The following HDAC8 variants were observed in gnomAD, a reference collection of about 807,000 sequenced individuals.
HDAC8 encodes histone deacetylase 8, also known as histone deacetylase-like 1.
Under a neutral mutation model 32.2 loss-of-function variants are expected in HDAC8, and 1 was observed. The ratio of observed to expected loss-of-function variants is 0.03; its 90% confidence interval spans 0.01 to 0.15. HDAC8 has a LOEUF of 0.15. Among genes scored for constraint, HDAC8 ranks in the 10% least tolerant of loss-of-function variants. The probability of loss-of-function intolerance (pLI) is 1.00; values close to 1 mark genes in which losing one functional copy is unlikely to be tolerated. For synonymous variants in HDAC8, 108 were observed against 113.9 expected (o/e 0.95, Z 0.33); for missense variants, 117 against 300.0 (o/e 0.39, Z 4.51).
intron 9 of HDAC8, among the ~76,000 whole-genome samples, chrX:72,424,942 T>G (rs1192487597): frequency 8.9e-6 from 1 of 112,500 alleles, no homozygotes; most frequent in Non-Finnish European, 1.9e-5. Context: ...CTATACAATA[T>G]TTTGTCCATT....
intron 9 of HDAC8, among the ~76,000 whole-genome samples, chrX:72,387,977 GAC>G (rs1316105602): frequency 9.9e-5 from 11 of 110,945 alleles, no homozygotes; most frequent in Middle Eastern, 4.6e-3. Context: ...GGACTTCACA[GAC>G]AGATGACATG....
intron 9 of HDAC8, among the ~76,000 whole-genome samples, chrX:72,399,707 A>G (rs944223186): frequency 8.9e-6 from 1 of 112,306 alleles, no homozygotes; most frequent in Non-Finnish European, 1.9e-5. Context: ...GATTATAGGC[A>G]TGAAGACACT....
At chrX:72,373,715 GA>G (rs2044956726) in intron 9 of HDAC8, among the ~76,000 whole-genome samples, 1 of 111,921 alleles carries the variant, frequency 8.9e-6, no homozygotes, top group Admixed American at 9.5e-5. Context: ...ATATACCTAG[GA>G]ATAGAATTTC....
intron 4 of HDAC8, among the ~76,000 whole-genome samples, chrX:72,516,816 T>A (rs1037369720): frequency 1.8e-5 from 2 of 112,223 alleles, no homozygotes; most frequent in African/African-American, 6.5e-5. Context: ...GCATTTAGAA[T>A]AAAATCCAAA....
intron 4 of HDAC8, among the ~76,000 whole-genome samples, chrX:72,550,960 T>C (rs1439337823): frequency 9.0e-6 from 1 of 111,294 alleles, no homozygotes; most frequent in African/African-American, 3.3e-5. Flanking sequence ...CCCATCCATC[T>C]GTTCAGTCAT....
intron 7 of HDAC8, chrX:72,466,783 A>G (rs2048029092): frequency 8.9e-6 from 1 of 112,247 alleles, no homozygotes; most frequent in African/African-American, 3.2e-5. Context: ...TAGCAGCTCA[A>G]TTTGTAATAG....
At chrX:72,478,942 C>T (rs1678509265) in intron 7 of HDAC8, among the ~76,000 whole-genome samples, 1 of 111,231 alleles carries the variant, frequency 9.0e-6, no homozygotes, top group African/African-American at 3.3e-5. Context: ...CCGGTGTGAG[C>T]CACTGTGCTC....
chrX:72,387,141 T>C (rs1555961765), intron 9 of HDAC8, among the ~76,000 whole-genome samples: 1 of 112,359 alleles, frequency 8.9e-6, no homozygotes, highest in Non-Finnish European at 1.9e-5. Flanking sequence ...GGGCACACAC[T>C]CAATTTAAGC....
Position 72,419,926 on chromosome X carries a change from A to C in HDAC8, c.1005+42078T>G, listed in dbSNP as rs781905215. ...TTCATTGATCGATTTTATTACGTTA[A>C]ATGAACTTTGCATTCCTGGGATAAA... On this transcript the variant is annotated intron_variant, in intron 9 of 10. Transcript: ENST00000373573. Among the ~76,000 whole-genome samples, 6 of 111,820 alleles carry C rather than the reference A, an allele frequency of 5.4e-5. No individual in the cohort carries two copies. The East Asian group carries it at 1.7e-3, about 31-fold the overall frequency.
intron 4 of HDAC8, among the ~76,000 whole-genome samples, chrX:72,541,667 G>A (rs1193151914): frequency 8.9e-6 from 1 of 112,085 alleles, no homozygotes; most frequent in Non-Finnish European, 1.9e-5. Flanking sequence ...TAGTGCTAGA[G>A]GTAGTGAGAG....
chrX:72,568,747 A>G lies in HDAC8; in HGVS notation c.295+7T>C. The stretch of plus-strand genomic sequence containing the variant: ...CATCTCCCATCACTGCCTGGTAATG[A>G]CTTTACCTAGCCCATATTCTATGGA... On this transcript the variant is annotated splice_region_variant and intron_variant, in intron 3 of 10. Transcript: ENST00000373573. 1 of 1,211,376 alleles carries G rather than the reference A, an allele frequency of 8.3e-7. No homozygotes were observed. Among genetic ancestry groups the G allele is most frequent in the Non-Finnish European group, 1.1e-6 (1 of 894,890 alleles).
intron 9 of HDAC8, among the ~76,000 whole-genome samples, chrX:72,390,496 T>C (rs1170869972): frequency 8.9e-6 from 1 of 112,232 alleles, no homozygotes; most frequent in East Asian, 2.8e-4. Context: ...AGCTATTTTA[T>C]TTACTTCAGG....
chrX:72,559,463 C>A (rs1457048143), intron 4 of HDAC8, among the ~76,000 whole-genome samples: 3 of 110,543 alleles, frequency 2.7e-5, no homozygotes, highest in Non-Finnish European at 1.9e-5. Flanking sequence ...CCCAAAGTGC[C>A]GAGATTGCAG....
chrX:72,471,152 T>C (rs2048164508), intron 7 of HDAC8, among the ~76,000 whole-genome samples: 1 of 112,720 alleles, frequency 8.9e-6, no homozygotes, highest in African/African-American at 3.2e-5. Context: ...TCATTTGTGT[T>C]GTAGCATGTA....
chrX:72,401,035 C>A lies in HDAC8; in HGVS notation c.1006-49197G>T, dbSNP rs1378153270. On this transcript the variant is annotated intron_variant, in intron 9 of 10. Transcript: ENST00000373573. ...CTTTTAGCTAATATGAACAATGCTACTACGAACATTTGTGTACATGTTTTT... is the reference window on the plus strand; with the variant it reads ...CTTTTAGCTAATATGAACAATGCTAATACGAACATTTGTGTACATGTTTTT... Among the ~76,000 whole-genome samples the A allele has an allele frequency of 5.3e-5, 6 of 112,302 alleles. No homozygotes were observed. The East Asian group carries it at 1.7e-3, about 31-fold the overall frequency.
chrX:72,481,616 G>A (rs1471065676), intron 7 of HDAC8, among the ~76,000 whole-genome samples: 1 of 99,524 alleles, frequency 1.0e-5, no homozygotes, highest in African/African-American at 3.7e-5. Flanking sequence ...TTTTTTTTTT[G>A]TTGTTGAGAC....
At chrX:72,530,612 C>T (rs1004801875) in intron 4 of HDAC8, among the ~76,000 whole-genome samples, 10 of 110,841 alleles carry the variant, frequency 9.0e-5, no homozygotes, top group African/African-American at 3.0e-4. Context: ...GCCTTGAGAA[C>T]GCTGAGCAGG....
chrX:72,518,388 TTCTA>T (rs782307457), intron 4 of HDAC8, among the ~76,000 whole-genome samples: 1 of 111,982 alleles, frequency 8.9e-6, no homozygotes, highest in South Asian at 3.7e-4. Context: ...TGTGGTCTTT[TTCTA>T]TCTGTCTTCT....
chrX:72,541,623 G>A (rs2050710570), intron 4 of HDAC8, among the ~76,000 whole-genome samples: 1 of 112,054 alleles, frequency 8.9e-6, no homozygotes, highest in African/African-American at 3.2e-5. Flanking sequence ...GCAATAATCA[G>A]TGAGAGAGGT....
Sources: gnomAD v4.1 joint callset for allele counts (sites outside exome capture counted in the v4.1 genomes callset) on GRCh38, gnomAD v4.1.1 for gene constraint, MANE v1.5 for transcripts, NCBI Gene and HGNC (gene_info 2026-07-23, HGNC 2026-07-21) for gene names.